Variants in BBS9 observed in about 807,000 individuals in gnomAD.
The protein encoded by BBS9 is protein PTHB1.
BBS9 carries 89 observed loss-of-function variants against 117.7 expected under a neutral mutation model. The observed-to-expected ratio is 0.76, with a 90% CI of 0.64 to 0.90. The LOEUF (loss-of-function observed/expected upper bound fraction) is 0.90. Ranked by LOEUF, BBS9 falls within the 40% of genes least tolerant of loss-of-function variation. BBS9 has a pLI of 0.00. For missense variants in BBS9, 982 were observed against 1,042.2 expected (o/e 0.94, Z 0.80); for synonymous variants, 379 against 370.9 (o/e 1.02, Z -0.25).
At chr7:33,419,538 A>G (rs532326141) in intron 19 of BBS9, among the ~76,000 whole-genome samples, 1 of 152,132 alleles carries the variant, frequency 6.6e-6, no homozygotes, top group Non-Finnish European at 1.5e-5. Flanking sequence ...TATAATAATA[A>G]AATGTCGTGG....
intron 20 of BBS9, among the ~76,000 whole-genome samples, chr7:33,526,236 C>G (rs1478823424): frequency 6.6e-6 from 1 of 152,118 alleles, no homozygotes; most frequent in Admixed American, 6.5e-5. Flanking sequence ...CTTGGAGTTG[C>G]TCTTCTGGAG....
chr7:33,439,340 T>C (rs1185109807), intron 19 of BBS9, among the ~76,000 whole-genome samples: 5 of 152,202 alleles, frequency 3.3e-5, no homozygotes, highest in African/African-American at 4.8e-5. Flanking sequence ...TCAAATGGAT[T>C]TCTCTGAGTT....
At chr7:33,134,508 C>A (rs1267572201) in intron 1 of BBS9, among the ~76,000 whole-genome samples, 2 of 152,232 alleles carry the variant, frequency 1.3e-5, no homozygotes, top group Non-Finnish European at 2.9e-5. Context: ...ACATGATTTG[C>A]AAATATTTTC....
chr7:33,406,536 T>G (rs1830029794), intron 19 of BBS9, among the ~76,000 whole-genome samples: 1 of 152,246 alleles, frequency 6.6e-6, no homozygotes, highest in Admixed American at 6.5e-5. Context: ...GTCTCGATGG[T>G]CTTTACATTT....
intron 5 of BBS9, among the ~76,000 whole-genome samples, chr7:33,188,141 A>T (rs928989179): frequency 1.2e-3 from 2 of 1,608 alleles, no homozygotes; most frequent in East Asian, 0.026. Context: ...GGGTGGGGGG[A>T]GGGGCGGGGG....
At position 33,605,370 on chromosome 7, in the gene BBS9, G is replaced by A. The variant is rs996683413; in HGVS notation, c.*144G>A. On this transcript the variant is annotated 3_prime_UTR_variant, in exon 23 of 23. Coordinates refer to ENST00000242067, the MANE Select transcript of BBS9 (RefSeq NM_198428.3). Reference sequence around the variant, plus strand: ...GGAGATGACATGCATAGAAAGAGGGGTTGGGACTTTTTACTTCACTAGGAG... The same window carrying A: ...GGAGATGACATGCATAGAAAGAGGGATTGGGACTTTTTACTTCACTAGGAG... The A allele has an allele frequency of 6.5e-5, 56 of 866,684 alleles. No individual in the cohort carries two copies. In the South Asian group the frequency reaches 6.5e-4, roughly 10 times the overall value. 53.7% of individuals were successfully genotyped at this position (866,684 alleles called of 1,614,324 possible).
At chr7:33,491,013 T>G (rs1037499385) in intron 19 of BBS9, among the ~76,000 whole-genome samples, 1 of 152,162 alleles carries the variant, frequency 6.6e-6, no homozygotes, top group African/African-American at 2.4e-5. Context: ...ATAGCCCCAC[T>G]GCACAGTTTC....
chr7:33,458,393 G>A (rs1166831061), intron 19 of BBS9, among the ~76,000 whole-genome samples: 2 of 152,152 alleles, frequency 1.3e-5, no homozygotes, highest in East Asian at 1.9e-4. Context: ...TTCTTTGAGA[G>A]TATATGGTAT....
intron 12 of BBS9, among the ~76,000 whole-genome samples, chr7:33,347,884 T>A (rs1415815386): frequency 2.6e-5 from 4 of 152,156 alleles, no homozygotes; most frequent in South Asian, 2.1e-4. Flanking sequence ...ATAACTAGAC[T>A]GAACTGCCGT....
intron 7 of BBS9, among the ~76,000 whole-genome samples, chr7:33,270,314 C>T (rs1039213968): frequency 2.0e-5 from 3 of 152,168 alleles, no homozygotes; most frequent in Non-Finnish European, 2.9e-5. Context: ...GTTTCCCTTC[C>T]TCTAAATGAT....
chr7:33,138,655 G>C (rs920728221), intron 1 of BBS9, among the ~76,000 whole-genome samples: 1 of 151,078 alleles, frequency 6.6e-6, no homozygotes, highest in African/African-American at 2.4e-5. Context: ...ATTTTTAAGA[G>C]ACAGGGTCTG....
At chr7:33,483,827 A>G (rs1447882789) in intron 19 of BBS9, among the ~76,000 whole-genome samples, 1 of 152,066 alleles carries the variant, frequency 6.6e-6, no homozygotes, top group Non-Finnish European at 1.5e-5. Flanking sequence ...CTGTAGAGAT[A>G]GGGTCTTGCT....
At chr7:33,600,762 TG>T (rs987406599) in intron 21 of BBS9, among the ~76,000 whole-genome samples, 2 of 152,110 alleles carry the variant, frequency 1.3e-5, no homozygotes, top group African/African-American at 4.8e-5. Context: ...TGGCTAAGGC[TG>T]GGGCTTCTGG....
In BBS9 at chr7:33,340,953, C is replaced by G. The variant is rs147507624; in HGVS notation, c.1255C>G (p.Pro419Ala). 8.0e-5 allele frequency: 129 copies of G among 1,613,518 alleles called. No homozygotes were observed. The highest frequency in any genetic ancestry group is 2.3e-4 in the South Asian group (21 of 91,054). The change falls in exon 11 of 23, where the codon CCT (proline) becomes GCT (alanine). Residue 419 changes from proline (P) to alanine (A), a missense_variant. Physicochemically the swap from Pro to Ala is conservative, Grantham distance 27. Transcript: ENST00000242067. The stretch of plus-strand genomic sequence containing the variant: ...CTTGAACGTTTCTGTCGTGGTTTCT[C>G]CTAACTTTGATTCAGTTTCTGTAGG... Reference protein sequence around the residue: ...DDLNVSVVVSPNFDSVSQATD... With the variant: ...DDLNVSVVVSANFDSVSQATD...
At chr7:33,331,936 G>A (rs1368541438) in intron 9 of BBS9, among the ~76,000 whole-genome samples, 4 of 152,072 alleles carry the variant, frequency 2.6e-5, no homozygotes, top group Non-Finnish European at 5.9e-5. Flanking sequence ...ATTCTTCGCA[G>A]AACTAGAAAA....
chr7:33,276,433 CT>C (rs570821386), intron 9 of BBS9, among the ~76,000 whole-genome samples: 91 of 152,262 alleles, frequency 6.0e-4, no homozygotes, highest in African/African-American at 2.1e-3. Context: ...ATTTTAATCA[CT>C]TGCAAAAAAG....
chr7:33,508,386 T>C (rs1357279847), intron 20 of BBS9, among the ~76,000 whole-genome samples: 1 of 152,204 alleles, frequency 6.6e-6, no homozygotes, highest in Non-Finnish European at 1.5e-5. Context: ...CTTCCTTCTT[T>C]ATTCAAAATA....
At chr7:33,207,378 A>C (rs1016606513) in intron 5 of BBS9, among the ~76,000 whole-genome samples, 7 of 151,846 alleles carry the variant, frequency 4.6e-5, no homozygotes, top group African/African-American at 1.5e-4. Context: ...CTTCTCCCCT[A>C]TTTATTTGTC....
Position 33,177,544 on chromosome 7 carries a change from A to G in BBS9, c.395A>G (p.Gln132Arg), listed in dbSNP as rs542324847. Residue 132 changes from glutamine (Q) to arginine (R), a missense_variant, in exon 5 of 23, where the codon CAG (glutamine) becomes CGG (arginine). Physicochemically the swap from Gln to Arg is conservative, Grantham distance 43. Coordinates refer to ENST00000242067, the MANE Select transcript of BBS9 (RefSeq NM_198428.3). ...AAATTGATGTATGAACATAATCTTCAGAGAACAGCCTGCAATATGACCTAT... is the reference window on the plus strand; with the variant it reads ...AAATTGATGTATGAACATAATCTTCGGAGAACAGCCTGCAATATGACCTAT... ...QMKLMYEHNL[Q>R]RTACNMTYGS... The G allele has an allele frequency of 5.0e-6, 8 of 1,613,688 alleles. No individual in the cohort carries two copies. The East Asian group carries it at 1.8e-4, about 36-fold the overall frequency.
Sources: gnomAD v4.1 joint callset for allele counts (sites outside exome capture counted in the v4.1 genomes callset) on GRCh38, gnomAD v4.1.1 for gene constraint, MANE v1.5 for transcripts, NCBI Gene and HGNC (gene_info 2026-07-23, HGNC 2026-07-21) for gene names.